Variants in PCDHA6 observed in about 807,000 individuals in gnomAD.
PCDHA6 encodes protocadherin alpha 6, also known as protocadherin alpha-6.
Under a neutral mutation model 60.3 loss-of-function variants are expected in PCDHA6, and 55 were observed. That is an observed-to-expected ratio of 0.91 (90% CI 0.73 to 1.14). PCDHA6 has a LOEUF of 1.14. PCDHA6 is among the 50% of genes most tolerant of loss of function. PCDHA6 has a pLI of 0.00. For missense variants in PCDHA6, 1,327 were observed against 1,256.5 expected, an observed-to-expected ratio of 1.06 and a Z score of -0.85; for synonymous variants, 652 against 557.9, an observed-to-expected ratio of 1.17 and a Z score of -2.38.
intron 1 of PCDHA6, chr5:140,864,136 T>C (rs2048335461): frequency 6.6e-6 from 1 of 152,238 alleles, no homozygotes; most frequent in African/African-American, 2.4e-5. Flanking sequence ...AGTGGCTGTT[T>C]CCTGTAAATG....
chr5:140,929,470 T>G (rs1554207109), intron 1 of PCDHA6: 3 of 1,296,742 alleles, frequency 2.3e-6, no homozygotes, highest in Admixed American at 2.9e-5. Context: ...CCAAGAAATC[T>G]GGAAGTATAG....
chr5:140,837,239 AT>A (rs1774971058), intron 1 of PCDHA6: 1 of 152,014 alleles, frequency 6.6e-6, no homozygotes, highest in African/African-American at 2.4e-5. Flanking sequence ...TTTTACATCT[AT>A]TTATCTTCTT....
chr5:140,829,132 C>G lies in PCDHA6; in HGVS notation c.1041C>G (p.Val347=), dbSNP rs138194639. 1.2e-6 allele frequency: 2 copies of G among 1,612,864 alleles called. No homozygotes were observed. Among genetic ancestry groups the G allele is most frequent in the African/African-American group, 2.7e-5 (2 of 74,908 alleles). Residue 347 remains valine (V), a synonymous_variant, in exon 1 of 4, where the codon GTC becomes GTG. Transcript: ENST00000529310. ...LVRILDKNDN[V]PEIALTSLSL... is the part of the protein sequence containing the mutation. ...GAATTTTGGATAAAAATGATAACGT[C>G]CCTGAGATAGCACTGACTTCCTTAT...
rs1357066039 is a variant in PCDHA6, at chr5:140,829,407, C to G, written c.1316C>G (p.Ala439Gly). ...DGGSPSLWAT[A>G]SLSVEVADMN... ...GGCTCGCCTTCGCTGTGGGCCACCG[C>G]CAGCTTGTCTGTGGAGGTGGCCGAC... Residue 439 changes from alanine (A) to glycine (G), a missense_variant, in exon 1 of 4, where the codon GCC becomes GGC. Physicochemically the swap from Ala to Gly is moderately conservative, Grantham distance 60. Coordinates refer to ENST00000529310, the MANE Select transcript of PCDHA6 (RefSeq NM_018909.4). 6.2e-7 allele frequency: 1 copy of G among 1,614,022 alleles called. No individual in the cohort carries two copies. Among genetic ancestry groups the G allele is most frequent in the Non-Finnish European group, 8.5e-7 (1 of 1,180,060 alleles).
chr5:140,843,822 A>G (rs1455613336), intron 1 of PCDHA6: 2 of 1,214,208 alleles, frequency 1.6e-6, no homozygotes, highest in African/African-American at 1.5e-5. Flanking sequence ...GTGAAAATTT[A>G]AACATTGTTT....
intron 1 of PCDHA6, among the ~76,000 whole-genome samples, chr5:140,944,938 A>G (rs2153667882): frequency 6.6e-6 from 1 of 152,262 alleles, no homozygotes; most frequent in African/African-American, 2.4e-5. Context: ...CCTTCTTTAG[A>G]TGATTGTGAA....
chr5:140,977,032 A>G (rs1488885995), intron 1 of PCDHA6, among the ~76,000 whole-genome samples: 3 of 152,212 alleles, frequency 2.0e-5, no homozygotes, highest in African/African-American at 7.2e-5. Flanking sequence ...TGAATCTAAG[A>G]AGGATGTTGT....
At chr5:140,896,226 T>G (rs1554186874) in intron 1 of PCDHA6, among the ~76,000 whole-genome samples, 1 of 152,242 alleles carries the variant, frequency 6.6e-6, no homozygotes, top group African/African-American at 2.4e-5. Flanking sequence ...GTCTTTATAG[T>G]AGAATGACTT....
intron 3 of PCDHA6, among the ~76,000 whole-genome samples, chr5:141,001,903 A>G (rs2098043091): frequency 6.6e-6 from 1 of 152,190 alleles, no homozygotes; most frequent in African/African-American, 2.4e-5. Flanking sequence ...GGGCTGTTTG[A>G]AAAAGACTGC....
At chr5:140,897,298 G>A (rs1372345306) in intron 1 of PCDHA6, among the ~76,000 whole-genome samples, 18 of 150,818 alleles carry the variant, frequency 1.2e-4, no homozygotes, top group Non-Finnish European at 1.8e-4. Flanking sequence ...TCGTCATTTA[G>A]CATTAGGTAT....
At chr5:140,885,110 TA>T (rs1368571784) in intron 1 of PCDHA6, among the ~76,000 whole-genome samples, 4 of 152,224 alleles carry the variant, frequency 2.6e-5, no homozygotes, top group African/African-American at 9.6e-5. Context: ...ATGCTTTTTT[TA>T]AGTGCACTTT....
intron 2 of PCDHA6, among the ~76,000 whole-genome samples, chr5:140,981,204 A>G (rs782466772): frequency 2.6e-5 from 4 of 152,218 alleles, no homozygotes; most frequent in Non-Finnish European, 5.9e-5. Context: ...CTGTTGCCTC[A>G]TATAACCCCT....
chr5:140,868,751 C>A, intron 1 of PCDHA6: 1 of 215,966 alleles, frequency 4.6e-6, no homozygotes, highest in Non-Finnish European at 9.2e-6. Flanking sequence ...ATGCCATTTC[C>A]ATATATATTT....
At chr5:140,866,115 A>G (rs537982409) in intron 1 of PCDHA6, 85 of 152,328 alleles carry the variant, frequency 5.6e-4, no homozygotes, top group African/African-American at 1.9e-3. Flanking sequence ...GAGTTGCCTT[A>G]TAAGAACTAC....
intron 1 of PCDHA6, among the ~76,000 whole-genome samples, chr5:140,941,202 C>CTTTCCTT (rs1554213921): frequency 5.7e-5 from 7 of 122,742 alleles, no homozygotes; most frequent in Admixed American, 1.7e-4. Flanking sequence ...TTTCTTTCTT[C>CTTTCCTT]CTTTCTTTCT....
intron 1 of PCDHA6, among the ~76,000 whole-genome samples, chr5:140,974,018 T>C (rs2096611642): frequency 1.3e-5 from 2 of 152,222 alleles, no homozygotes; most frequent in Non-Finnish European, 1.5e-5. Context: ...CATGTGATAA[T>C]ACAACTATAA....
At chr5:140,962,601 C>T (rs1227208523) in intron 1 of PCDHA6, among the ~76,000 whole-genome samples, 1 of 152,160 alleles carries the variant, frequency 6.6e-6, no homozygotes, top group African/African-American at 2.4e-5. Context: ...TGATATATTT[C>T]TTCTGGAGGA....
intron 1 of PCDHA6, among the ~76,000 whole-genome samples, chr5:140,964,284 A>C (rs190870993): frequency 6.6e-6 from 1 of 152,362 alleles, no homozygotes; most frequent in East Asian, 1.9e-4. Context: ...AGTAAATTCT[A>C]GCTGGAGCTA....
At chr5:140,987,880 T>A (rs2097271532) in intron 3 of PCDHA6, among the ~76,000 whole-genome samples, 1 of 152,112 alleles carries the variant, frequency 6.6e-6, no homozygotes, top group Non-Finnish European at 1.5e-5. Context: ...AAATGGACAG[T>A]TTATGTGCCC....
Sources: allele counts gnomAD v4.1 joint callset (sites outside exome capture counted in the v4.1 genomes callset), GRCh38; gene constraint gnomAD v4.1.1; transcripts MANE v1.5; gene names NCBI Gene and HGNC (gene_info 2026-07-23, HGNC 2026-07-21).